Variants in RASGRP2 observed in about 807,000 individuals in gnomAD.
RASGRP2 encodes the protein RAS guanyl-releasing protein 2.
In RASGRP2, 44 loss-of-function variants were observed where a neutral mutation model predicts 71.0. The ratio of observed to expected loss-of-function variants is 0.62; its 90% confidence interval spans 0.49 to 0.80. The LOEUF (loss-of-function observed/expected upper bound fraction) is 0.80, where lower values mean the gene tolerates loss of function less well. Among genes scored for constraint, RASGRP2 ranks in the 30% least tolerant of loss-of-function variants. The pLI is 0.00. For missense variants in RASGRP2, 663 were observed against 813.4 expected, an observed-to-expected ratio of 0.82 and a Z score of 2.25; for synonymous variants, 350 against 330.7, an observed-to-expected ratio of 1.06 and a Z score of -0.63.
chr11:64,727,235 C>A, intron 16 of RASGRP2, 61 bp downstream of exon 16: 1 of 1,488,914 alleles, frequency 6.7e-7, no homozygotes, highest in East Asian at 2.3e-5. Flanking sequence ...TTCCCTGATA[C>A]TCCCCAGCTC....
chr11:64,737,186 C>T (rs958595424), intron 8 of RASGRP2, 152 bp from the exon 9 acceptor site: 4 of 888,702 alleles, frequency 4.5e-6, no homozygotes, highest in Non-Finnish European at 7.1e-6. Flanking sequence ...GCTCTCTCAG[C>T]CCCTGGGGAT....
Position 64,740,208 on chromosome 11 carries a change from A to C in RASGRP2, c.372-45T>G, listed in dbSNP as rs547280. The C allele has an allele frequency of 0.98, 1,588,214 of 1,612,638 alleles. 784,987 individuals are homozygous for C. The highest frequency in any genetic ancestry group is 1 in the East Asian group (44,834 of 44,836). ...GAGCCCTTTGCTGGACATGCGCATG[A>C]CTCGTGGCCCCCCACTCACACAGAC... On this transcript the variant is annotated intron_variant, in intron 5 of 16. Transcript: ENST00000394432.
At position 64,729,901 on chromosome 11, in the gene RASGRP2, G is replaced by T; in HGVS notation, c.1555-103C>A. 1.9e-6 allele frequency: 3 copies of T among 1,571,700 alleles called. No individual in the cohort carries two copies. In the East Asian group the frequency reaches 6.7e-5, roughly 35 times the overall value. ...CTAGGGCTTTAGAGCCCGCCTCAGGGCCCCGGGCAGAACCACAGGAGGAGA... is the reference window on the plus strand; with the variant it reads ...CTAGGGCTTTAGAGCCCGCCTCAGGTCCCCGGGCAGAACCACAGGAGGAGA... On this transcript the variant is annotated intron_variant, in intron 13 of 16. Coordinates refer to ENST00000394432, the MANE Select transcript of RASGRP2 (RefSeq NM_001098671.2).
chr11:64,738,986 A>G (rs2058033638), intron 8 of RASGRP2, among the ~76,000 whole-genome samples: 1 of 151,260 alleles, frequency 6.6e-6, no homozygotes, highest in Non-Finnish European at 1.5e-5. Flanking sequence ...TAATAACAAT[A>G]CAAAAATTAG....
rs34152691 is a variant in RASGRP2 at position 64,729,713 on chromosome 11, CA to C, written c.1591+48del. ...ACAGTAACTCTCCCAAACAAACAAA[CA>C]AAAAAAAAAAACACTGCCCAGCAGC... On this transcript the variant is annotated intron_variant, in intron 14 of 16. Transcript: ENST00000394432. The C allele has an allele frequency of 2.4e-4, 383 of 1,577,424 alleles. No homozygotes were observed. In the African/African-American group the frequency reaches 4.7e-3, roughly 19 times the overall value.
intron 14 of RASGRP2, among the ~76,000 whole-genome samples, chr11:64,729,299 G>T (rs560984972): frequency 1.3e-5 from 2 of 151,598 alleles, no homozygotes; most frequent in East Asian, 3.9e-4. Flanking sequence ...CAGTCATCTT[G>T]AGCCTCTGAT....
Position 64,742,861 on chromosome 11 carries a change from T to C in RASGRP2, c.6A>G (p.Ala2=), listed in dbSNP as rs201405703. The change falls in exon 2 of 17, where the codon GCA becomes GCG. Residue 2 remains alanine (A), a synonymous_variant. Coordinates refer to ENST00000394432, the MANE Select transcript of RASGRP2 (RefSeq NM_001098671.2). The surrounding 1 kb of genome is among the most constrained non-coding windows in gnomAD (Gnocchi z 4.7). The part of the protein sequence containing the change: M[A]GTLDLDKGCT... ...AGCCCTTGTCCAGGTCCAGGGTGCCTGCCATGGCCGCCGGCGCGGGGTGGG... is the reference window on the plus strand; with the variant it reads ...AGCCCTTGTCCAGGTCCAGGGTGCCCGCCATGGCCGCCGGCGCGGGGTGGG... 2 of 1,596,790 alleles carry C rather than the reference T, an allele frequency of 1.3e-6. No homozygotes were observed. The highest frequency in any genetic ancestry group is 4.5e-5 in the East Asian group (2 of 44,260).
At chr11:64,744,620 G>C (rs1240441897), upstream of RASGRP2, 1 of 151,684 alleles carries the variant, frequency 6.6e-6, no homozygotes, top group African/African-American at 2.4e-5. Context: ...TCCCAGACCC[G>C]GGCCGCAGAC....
rs201552713 is a variant in RASGRP2 at position 64,739,639 on chromosome 11, C to T, written c.693G>A (p.Ala231=). 44 of 1,613,084 alleles carry T rather than the reference C, an allele frequency of 2.7e-5. No homozygotes were observed. The highest frequency in any genetic ancestry group is 5.0e-5 in the Admixed American group (3 of 59,990). ...ALVITHFVHV[A]EKLLQLQNFN... The stretch of plus-strand genomic sequence containing the variant: ...ACCGGGAGGGAGGGGCAGGCACCTC[C>T]GCCACGTGGACAAAGTGTGTGATGA... Residue 231 remains alanine, a synonymous_variant, in exon 7 of 17, where the codon GCG becomes GCA. Coordinates refer to ENST00000394432, the MANE Select transcript of RASGRP2 (RefSeq NM_001098671.2). This position sits in a 1 kb window ranked among gnomAD's most constrained non-coding sequence, Gnocchi z 4.2.
At chr11:64,730,704 CA>C (rs1409337636) in intron 12 of RASGRP2, among the ~76,000 whole-genome samples, 1 of 152,212 alleles carries the variant, frequency 6.6e-6, no homozygotes, top group African/African-American at 2.4e-5. Context: ...CCTATGAATA[CA>C]TTTTAGGGAA....
Position 64,743,694 on chromosome 11 carries a change from C to T in RASGRP2, c.-72+309G>A, listed in dbSNP as rs779566359. 1.1e-4 allele frequency: 40 copies of T among 380,406 alleles called. No homozygotes were observed. Among genetic ancestry groups the T allele is most frequent in the Non-Finnish European group, 1.8e-4 (35 of 196,192 alleles). The allele number at this position is 380,406 out of a possible 1,614,324, so 23.6% of individuals were successfully genotyped here. On this transcript the variant is annotated intron_variant, in intron 1 of 16. Coordinates refer to ENST00000394432, the MANE Select transcript of RASGRP2 (RefSeq NM_001098671.2). This position sits in a 1 kb window ranked among gnomAD's most constrained non-coding sequence, Gnocchi z 4.9. ...CCGGCTCCTGACCCTGGCCCCGGCC[C>T]CGCACAGGCGAACTGTGAGCGCGCA...
intron 16 of RASGRP2, 70 bp from the exon 17 acceptor site, chr11:64,727,201 G>C: frequency 9.0e-7 from 1 of 1,113,128 alleles, no homozygotes; most frequent in Non-Finnish European, 1.4e-6. Context: ...ACCTGGCTTG[G>C]AGCCATTTGG....
In RASGRP2 at chr11:64,735,930, C is replaced by A. The variant is rs1436968076; in HGVS notation, c.1146G>T (p.Leu382=). Residue 382 remains leucine, a synonymous_variant, in exon 10 of 17, where the codon CTG becomes CTT. Coordinates refer to ENST00000394432, the MANE Select transcript of RASGRP2 (RefSeq NM_001098671.2). This position sits in a 1 kb window ranked among gnomAD's most constrained non-coding sequence, Gnocchi z 4.2. The part of the protein sequence containing the change: ...QTEDELYQLS[L]QREPRSKSSP... Reference sequence around the variant, plus strand: ...AGGACTTGGAGCGCGGCTCCCGCTGCAGGGACAGCTGGTACAGCTCATCCT... The same window carrying A: ...AGGACTTGGAGCGCGGCTCCCGCTGAAGGGACAGCTGGTACAGCTCATCCT... 6.2e-7 allele frequency: 1 copy of A among 1,614,014 alleles called. No homozygotes were observed. The highest frequency in any genetic ancestry group is 2.2e-5 in the East Asian group (1 of 44,884).
In RASGRP2 at chr11:64,743,690, G is replaced by A; in HGVS notation, c.-72+313C>T. 1 of 383,694 alleles carries A rather than the reference G, an allele frequency of 2.6e-6. No individual in the cohort carries two copies. Among genetic ancestry groups the A allele is most frequent in the Non-Finnish European group, 5.1e-6 (1 of 197,104 alleles). The allele number at this position is 383,694 out of a possible 1,614,324, so 23.8% of individuals were successfully genotyped here. ...ATCCCCGGCTCCTGACCCTGGCCCCGGCCCCGCACAGGCGAACTGTGAGCG... is the reference window on the plus strand; with the variant it reads ...ATCCCCGGCTCCTGACCCTGGCCCCAGCCCCGCACAGGCGAACTGTGAGCG... On this transcript the variant is annotated intron_variant, in intron 1 of 16. Transcript: ENST00000394432. This position sits in a 1 kb window ranked among gnomAD's most constrained non-coding sequence, Gnocchi z 4.9.
chr11:64,729,059 G>A lies in RASGRP2; in HGVS notation c.1592-17C>T, dbSNP rs1477646158. ...CTCCACAGGCTGGGGGAGAGCAAATGGAGAGCCAGCCAGGGACATTGGTCA... is the reference window on the plus strand; with the variant it reads ...CTCCACAGGCTGGGGGAGAGCAAATAGAGAGCCAGCCAGGGACATTGGTCA... On this transcript the variant is annotated splice_polypyrimidine_tract_variant and intron_variant, in intron 14 of 16. Coordinates refer to ENST00000394432, the MANE Select transcript of RASGRP2 (RefSeq NM_001098671.2). 2.5e-6 allele frequency: 4 copies of A among 1,582,702 alleles called. No homozygotes were observed. Among genetic ancestry groups the A allele is most frequent in the Non-Finnish European group, 3.4e-6 (4 of 1,170,774 alleles).
In RASGRP2 at chr11:64,742,066, G is replaced by C. The variant is rs778674902; in HGVS notation, c.120C>G (p.Leu40=). The change falls in exon 3 of 17, where the codon CTC becomes CTG. Residue 40 remains leucine, a synonymous_variant. Transcript: ENST00000394432. The surrounding 1 kb of genome is among the most constrained non-coding windows in gnomAD (Gnocchi z 4.7). The part of the protein sequence containing the change: ...VRDPQLVRMF[L]MMHPWYIPSS... ...AGGGGATGTACCAGGGGTGCATCAT[G>C]AGGAACATGCGCACCAGCTGCGGGT... The C allele has an allele frequency of 1.9e-6, 3 of 1,611,000 alleles. No individual in the cohort carries two copies. In the South Asian group the frequency reaches 3.3e-5, roughly 18 times the overall value.
Position 64,740,172 on chromosome 11 carries a change from G to C in RASGRP2, c.372-9C>G. 1 of 1,613,984 alleles carries C rather than the reference G, an allele frequency of 6.2e-7. No homozygotes were observed. The highest frequency in any genetic ancestry group is 1.1e-5 in the South Asian group (1 of 91,070). On this transcript the variant is annotated splice_polypyrimidine_tract_variant and intron_variant, in intron 5 of 16. Coordinates refer to ENST00000394432, the MANE Select transcript of RASGRP2 (RefSeq NM_001098671.2). Reference sequence around the variant, plus strand: ...TCCACTTGTAGGTAGGGCTGGGGGGGCAGGGGTAGTGAGCCCTTTGCTGGA... The same window carrying C: ...TCCACTTGTAGGTAGGGCTGGGGGGCCAGGGGTAGTGAGCCCTTTGCTGGA...
Position 64,730,152 on chromosome 11 carries a change from C to T in RASGRP2, c.1455G>A (p.Leu485=). 6.4e-7 allele frequency: 1 copy of T among 1,551,648 alleles called. No individual in the cohort carries two copies. Among genetic ancestry groups the T allele is most frequent in the East Asian group, 2.4e-5 (1 of 40,914 alleles). Residue 485 remains leucine, a synonymous_variant, in exon 13 of 17, where the codon CTG becomes CTA. Transcript: ENST00000394432. Reference sequence around the variant, plus strand: ...GCCCCCCCAACACAGAGCTGGAGCGCAGGAAATAGGAAACCATCTCCTCCC... The same window carrying T: ...GCCCCCCCAACACAGAGCTGGAGCGTAGGAAATAGGAAACCATCTCCTCCC... ...ISREEMVSYF[L]RSSSVLGGRM...
chr11:64,731,056 C>G (rs2057749651), intron 12 of RASGRP2, among the ~76,000 whole-genome samples: 1 of 152,122 alleles, frequency 6.6e-6, no homozygotes, highest in Non-Finnish European at 1.5e-5. Flanking sequence ...GGATAACTGG[C>G]TATCTGAAAA....
Sources: gnomAD v4.1 joint callset for allele counts (sites outside exome capture counted in the v4.1 genomes callset) on GRCh38, gnomAD v4.1.1 for gene constraint, Gnocchi (gnomAD v3.1) non-coding constraint, MANE v1.5 for transcripts, NCBI Gene and HGNC (gene_info 2026-07-23, HGNC 2026-07-21) for gene names.